The following ARPC2 variants were observed in gnomAD, a reference collection of about 807,000 sequenced individuals.
ARPC2 encodes the protein actin-related protein 2/3 complex subunit 2.
ARPC2 carries 4 observed loss-of-function variants against 38.6 expected under a neutral mutation model. That is an observed-to-expected ratio of 0.10 (90% CI 0.05 to 0.24). The LOEUF is 0.24. Among genes scored for constraint, ARPC2 ranks in the 10% least tolerant of loss-of-function variants. The pLI, the probability that ARPC2 is intolerant of heterozygous loss-of-function variation, is 1.00. For synonymous variants in ARPC2, 125 were observed against 140.8 expected, an observed-to-expected ratio of 0.89 and a Z score of 0.79; for missense variants, 229 against 387.3, an observed-to-expected ratio of 0.59 and a Z score of 3.43.
intron 2 of ARPC2, among the ~76,000 whole-genome samples, chr2:218,220,989 C>T (rs1559474354): frequency 6.6e-6 from 1 of 152,140 alleles, no homozygotes; most frequent in Non-Finnish European, 1.5e-5. Flanking sequence ...ACAGCATTGC[C>T]TTTTCATTTG....
chr2:218,225,902 CT>C lies in ARPC2; in HGVS notation c.75-12del. 1.9e-6 allele frequency: 3 copies of C among 1,613,118 alleles called. No individual in the cohort carries two copies. Among genetic ancestry groups the C allele is most frequent in the Non-Finnish European group, 2.5e-6 (3 of 1,179,296 alleles). ...CAATACAGTCATCTTAACTGAGGACCTTTTTTGTTGTTTACAGAAACAAACC... is the reference window on the plus strand; with the variant it reads ...CAATACAGTCATCTTAACTGAGGACCTTTTTGTTGTTTACAGAAACAAACC... On this transcript the variant is annotated splice_polypyrimidine_tract_variant and intron_variant, in intron 2 of 10. Transcript: ENST00000315717.
At chr2:218,225,813 T>TG in intron 2 of ARPC2, 107 bp from the exon 3 acceptor site, 1 of 1,044,656 alleles carries the variant, frequency 9.6e-7, no homozygotes, top group Non-Finnish European at 1.5e-6. Flanking sequence ...CTAAAATTTA[T>TG]ACAGAATGGT....
intron 7 of ARPC2, among the ~76,000 whole-genome samples, chr2:218,243,196 T>C (rs543040495): frequency 2.6e-5 from 4 of 152,220 alleles, no homozygotes; most frequent in Non-Finnish European, 5.9e-5. Context: ...GTGGCAATTA[T>C]TTCCTTTTTT....
Position 218,253,909 on chromosome 2 carries a change from C to T in ARPC2, c.897C>T (p.Ser299=). ...TTTGAAGGGGGAAGACGTTTTCATCCCGCTAATCTTGGGAATAAGAGGAGG... is the reference window on the plus strand; with the variant it reads ...TTTGAAGGGGGAAGACGTTTTCATCTCGCTAATCTTGGGAATAAGAGGAGG... ...MKTITGKTFS[S]R Residue 299 remains serine (S), a synonymous_variant, in exon 11 of 11, where the codon TCC becomes TCT. Coordinates refer to ENST00000315717, the MANE Select transcript of ARPC2 (RefSeq NM_152862.3). The T allele has an allele frequency of 1.2e-6, 2 of 1,613,978 alleles. No individual in the cohort carries two copies. Among genetic ancestry groups the T allele is most frequent in the South Asian group, 2.2e-5 (2 of 91,058 alleles).
At position 218,249,354 on chromosome 2, in the gene ARPC2, C is replaced by A. The variant is rs761016865; in HGVS notation, c.677-10C>A. ...TGTCCTGACGCCTTGTTTGTGTCTTCCGCCTTCAGTGCTGTTCCCTCGTCA... is the reference window on the plus strand; with the variant it reads ...TGTCCTGACGCCTTGTTTGTGTCTTACGCCTTCAGTGCTGTTCCCTCGTCA... On this transcript the variant is annotated splice_polypyrimidine_tract_variant and intron_variant, in intron 8 of 10. Transcript: ENST00000315717. 6 of 1,601,992 alleles carry A rather than the reference C, an allele frequency of 3.7e-6. No individual in the cohort carries two copies. In the East Asian group the frequency reaches 1.3e-4, roughly 36 times the overall value.
chr2:218,219,350 CT>C (rs1005645978), intron 2 of ARPC2, among the ~76,000 whole-genome samples: 3 of 151,478 alleles, frequency 2.0e-5, no homozygotes, highest in African/African-American at 7.3e-5. Context: ...TAAGTTAGAA[CT>C]TCCAGGACTT....
chr2:218,232,546 ATTT>A (rs71064418), intron 4 of ARPC2, among the ~76,000 whole-genome samples: 2,987 of 83,128 alleles, frequency 0.036, 22 homozygotes, highest in Non-Finnish European at 0.038. Flanking sequence ...GCCAGACTCA[ATTT>A]TTTTTTTTTT....
chr2:218,243,592 T>C (rs1299840775), intron 7 of ARPC2, among the ~76,000 whole-genome samples: 1 of 152,124 alleles, frequency 6.6e-6, no homozygotes, highest in Non-Finnish European at 1.5e-5. Context: ...CTGGCCAACA[T>C]GGTGAAACCC....
chr2:218,253,664 AT>A (rs1222441782), intron 10 of ARPC2, among the ~76,000 whole-genome samples: 5 of 152,208 alleles, frequency 3.3e-5, no homozygotes, highest in African/African-American at 1.2e-4. Flanking sequence ...TAACACTGAT[AT>A]TCCCGGGCAT....
Position 218,217,506 on chromosome 2 carries a change from G to A in ARPC2, c.36G>A (p.Glu12=). The A allele has an allele frequency of 6.2e-7, 1 of 1,613,882 alleles. No homozygotes were observed. The highest frequency in any genetic ancestry group is 8.5e-7 in the Non-Finnish European group (1 of 1,179,882). The change falls in exon 2 of 11, where the codon GAG becomes GAA. Residue 12 remains glutamate, a synonymous_variant. Transcript: ENST00000315717. The stretch of plus-strand genomic sequence containing the variant: ...TGGAGGTGAACAACCGCATCATCGA[G>A]GAGACGCTCGCGCTCAAGTTCGAGA... ...ILLEVNNRII[E]ETLALKFENA... is the part of the protein sequence containing the mutation.
intron 4 of ARPC2, among the ~76,000 whole-genome samples, chr2:218,229,995 A>T (rs1426394766): frequency 4.6e-5 from 7 of 150,776 alleles, no homozygotes; most frequent in African/African-American, 1.7e-4. Flanking sequence ...TTTGAGGTGG[A>T]GTCTCACTCT....
At chr2:218,221,315 A>G (rs989789982) in intron 2 of ARPC2, among the ~76,000 whole-genome samples, 2 of 152,210 alleles carry the variant, frequency 1.3e-5, no homozygotes, top group African/African-American at 2.4e-5. Flanking sequence ...AAAAGGAATA[A>G]ATTAAATCTT....
intron 10 of ARPC2, chr2:218,252,876 G>A (rs1367972320): frequency 2.2e-6 from 1 of 456,252 alleles, no homozygotes; most frequent in Non-Finnish European, 4.4e-6. Flanking sequence ...TCCTTAAAAT[G>A]AACAGACTGT....
At chr2:218,243,010 A>G (rs1166466639) in intron 7 of ARPC2, among the ~76,000 whole-genome samples, 1 of 152,178 alleles carries the variant, frequency 6.6e-6, no homozygotes, top group Admixed American at 6.5e-5. Context: ...ATTTTGAGTT[A>G]TAGGTAGAAA....
intron 10 of ARPC2, among the ~76,000 whole-genome samples, 185 bp downstream of exon 10, chr2:218,250,106 T>A (rs186628873): frequency 5.3e-5 from 8 of 152,298 alleles, no homozygotes; most frequent in Non-Finnish European, 8.8e-5. Context: ...AGGATGGGTT[T>A]CCTTGTTTCC....
intron 7 of ARPC2, among the ~76,000 whole-genome samples, chr2:218,242,848 A>G (rs979500062): frequency 6.6e-6 from 1 of 152,210 alleles, no homozygotes; most frequent in Non-Finnish European, 1.5e-5. Flanking sequence ...ATTTCTTTAC[A>G]TACTAGGGAG....
intron 3 of ARPC2, chr2:218,227,197 A>G: frequency 3.0e-6 from 1 of 328,052 alleles, no homozygotes; most frequent in South Asian, 2.3e-5. Flanking sequence ...TCAGCACCTA[A>G]TTCTAGTTTC....
chr2:218,230,603 C>A (rs1012411749), intron 4 of ARPC2, among the ~76,000 whole-genome samples: 3 of 152,100 alleles, frequency 2.0e-5, no homozygotes, highest in Non-Finnish European at 4.4e-5. Context: ...CCAGCTGCAT[C>A]GCTGCTTTGG....
chr2:218,222,254 G>A (rs770145792), intron 2 of ARPC2, among the ~76,000 whole-genome samples: 11 of 152,098 alleles, frequency 7.2e-5, no homozygotes, highest in African/African-American at 2.2e-4. Context: ...GTGACAGAGC[G>A]AGACCCCATC....
Sources: gnomAD v4.1 joint callset for allele counts (sites outside exome capture counted in the v4.1 genomes callset) on GRCh38, gnomAD v4.1.1 for gene constraint, MANE v1.5 for transcripts, NCBI Gene and HGNC (gene_info 2026-07-23, HGNC 2026-07-21) for gene names.